The following PDE12 variants were observed in gnomAD, a reference collection of about 807,000 sequenced individuals.
PDE12 encodes the protein 2',5'-phosphodiesterase 12.
Under a neutral mutation model 45.4 loss-of-function variants are expected in PDE12, and 26 were observed. The observed-to-expected ratio is 0.57, with a 90% CI of 0.42 to 0.79. The LOEUF is 0.79. Ranked by LOEUF, PDE12 falls within the 30% of genes least tolerant of loss-of-function variation. The pLI is 0.00. For synonymous variants in PDE12, 283 were observed against 323.9 expected (o/e 0.87, Z 1.36); for missense variants, 668 against 790.0 (o/e 0.85, Z 1.85).
chr3:57,557,177 T>C lies in PDE12; in HGVS notation c.798T>C (p.Ser266=). Residue 266 remains serine (S), a synonymous_variant, in exon 1 of 3, where the codon AGT becomes AGC. Coordinates refer to ENST00000311180, the MANE Select transcript of PDE12 (RefSeq NM_177966.7). Reference sequence around the variant, plus strand: ...TTGGGCACAGCCGGGAGTTGGAAAGTGTGTGTGTGGTAGAGGCTGGGCCTG... The same window carrying C: ...TTGGGCACAGCCGGGAGTTGGAAAGCGTGTGTGTGGTAGAGGCTGGGCCTG... ...QRFGHSRELE[S]VCVVEAGPGT... is the part of the protein sequence containing the mutation. 6.2e-7 allele frequency: 1 copy of C among 1,613,888 alleles called. No homozygotes were observed. The highest frequency in any genetic ancestry group is 2.2e-5 in the East Asian group (1 of 44,856).
At chr3:57,604,123 C>G in the PDE12 span, among the ~76,000 whole-genome samples, 2 of 151,608 alleles carry the variant, frequency 1.3e-5, no homozygotes, top group Non-Finnish European at 1.5e-5. Context: ...AGGGTTTCAC[C>G]TTATTGGCCA....
the PDE12 span, among the ~76,000 whole-genome samples, chr3:57,603,114 C>G: frequency 2.6e-5 from 4 of 151,940 alleles, no homozygotes; most frequent in East Asian, 8.0e-4. Flanking sequence ...TTGCAGTGAG[C>G]CAAGATCGTG....
chr3:57,569,477 C>T (rs920964288), downstream of PDE12, among the ~76,000 whole-genome samples: 6 of 152,032 alleles, frequency 3.9e-5, no homozygotes, highest in East Asian at 3.9e-4. Flanking sequence ...TTCAGCCTCT[C>T]GAGTAGCTGG....
the PDE12 span, among the ~76,000 whole-genome samples, chr3:57,594,071 C>T: frequency 1.3e-5 from 2 of 152,082 alleles, no homozygotes; most frequent in Non-Finnish European, 2.9e-5. Flanking sequence ...GCCTGGCCAA[C>T]ATGGTGAAAC....
the PDE12 span, among the ~76,000 whole-genome samples, chr3:57,609,956 C>A: frequency 2.0e-5 from 3 of 152,084 alleles, no homozygotes; most frequent in Non-Finnish European, 4.4e-5. Context: ...GACCAATATC[C>A]CTGATAAACA....
chr3:57,624,804 A>G, the PDE12 span, among the ~76,000 whole-genome samples: 2 of 152,254 alleles, frequency 1.3e-5, no homozygotes, highest in African/African-American at 4.8e-5. Context: ...TGCTACTTTT[A>G]AAAAAGAAGA....
the PDE12 span, among the ~76,000 whole-genome samples, chr3:57,623,932 C>G: frequency 2.6e-5 from 4 of 152,008 alleles, no homozygotes; most frequent in African/African-American, 7.2e-5. Context: ...AGTGGTGAAG[C>G]TAGTAAAATG....
the PDE12 span, among the ~76,000 whole-genome samples, chr3:57,576,048 T>A: frequency 6.6e-6 from 1 of 152,194 alleles, no homozygotes; most frequent in East Asian, 1.9e-4. Flanking sequence ...AGTACTTAGA[T>A]AGATGATGAT....
chr3:57,584,325 C>T, the PDE12 span: 1 of 1,336,534 alleles, frequency 7.5e-7, no homozygotes, highest in South Asian at 1.2e-5. Flanking sequence ...CAAAACTAGA[C>T]TGTATATATT....
chr3:57,581,490 C>G, the PDE12 span, among the ~76,000 whole-genome samples: 113,832 of 152,160 alleles, frequency 0.75, 44,675 homozygotes, highest in East Asian at 1. Flanking sequence ...CAAGGTTTTA[C>G]TTCATATCTA....
chr3:57,570,996 T>A (rs891767827), downstream of PDE12, among the ~76,000 whole-genome samples: 1 of 151,506 alleles, frequency 6.6e-6, no homozygotes, highest in African/African-American at 2.4e-5. Flanking sequence ...TTGTTGTTGT[T>A]TTGTTTTTAG....
At chr3:57,610,668 C>T in the PDE12 span, among the ~76,000 whole-genome samples, 13 of 152,166 alleles carry the variant, frequency 8.5e-5, no homozygotes, top group Non-Finnish European at 1.9e-4. Flanking sequence ...CCTAGGAATC[C>T]AACTTACAAG....
At chr3:57,620,008 G>T in the PDE12 span, among the ~76,000 whole-genome samples, 3 of 152,098 alleles carry the variant, frequency 2.0e-5, no homozygotes, top group Non-Finnish European at 4.4e-5. Flanking sequence ...TGGATCACGA[G>T]GTCAGGAGTT....
At chr3:57,611,441 C>T in the PDE12 span, among the ~76,000 whole-genome samples, 4 of 152,132 alleles carry the variant, frequency 2.6e-5, no homozygotes, top group Non-Finnish European at 5.9e-5. Flanking sequence ...TCTGAGTGAA[C>T]AGGCAACCTA....
At chr3:57,620,232 A>C in the PDE12 span, among the ~76,000 whole-genome samples, 2 of 152,074 alleles carry the variant, frequency 1.3e-5, no homozygotes, top group African/African-American at 4.8e-5. Flanking sequence ...AAGAAAACAG[A>C]AAGAAAAATT....
the PDE12 span, among the ~76,000 whole-genome samples, chr3:57,636,116 G>C: frequency 1.3e-5 from 2 of 152,160 alleles, no homozygotes; most frequent in Non-Finnish European, 2.9e-5. Flanking sequence ...ATCAACAGTA[G>C]GCTGTTAGAA....
chr3:57,621,597 T>C, the PDE12 span, among the ~76,000 whole-genome samples: 7 of 151,426 alleles, frequency 4.6e-5, no homozygotes, highest in South Asian at 2.1e-4. Context: ...TTGAACCCGG[T>C]TGCAGTGAGC....
chr3:57,595,084 A>C, the PDE12 span, among the ~76,000 whole-genome samples: 4 of 152,228 alleles, frequency 2.6e-5, no homozygotes, highest in Admixed American at 1.3e-4. Context: ...CAAATGCAGA[A>C]ACTTAAATAT....
intron 1 of PDE12, among the ~76,000 whole-genome samples, chr3:57,558,368 A>T (rs1240181194): frequency 6.6e-6 from 1 of 152,212 alleles, no homozygotes; most frequent in Non-Finnish European, 1.5e-5. Context: ...TGGTGAAATG[A>T]GTATTCAAAC....
Sources: gnomAD v4.1 joint callset for allele counts (sites outside exome capture counted in the v4.1 genomes callset) on GRCh38, gnomAD v4.1.1 for gene constraint, MANE v1.5 for transcripts, NCBI Gene and HGNC (gene_info 2026-07-23, HGNC 2026-07-21) for gene names.